Variants in TMEM120B observed in about 807,000 individuals in gnomAD.
TMEM120B encodes the protein transmembrane protein 120B.
Under a neutral mutation model 55.5 loss-of-function variants are expected in TMEM120B, and 31 were observed. The observed-to-expected ratio is 0.56, with a 90% CI of 0.42 to 0.75. TMEM120B has a LOEUF of 0.75. Ranked by LOEUF, TMEM120B falls within the 30% of genes least tolerant of loss-of-function variation. TMEM120B has a pLI of 0.00. For missense variants in TMEM120B, 399 were observed against 425.5 expected (o/e 0.94, Z 0.55); for synonymous variants, 203 against 176.3 (o/e 1.15, Z -1.20).
chr12:121,730,035 C>T (rs1280193067), intron 1 of TMEM120B, among the ~76,000 whole-genome samples: 2 of 151,858 alleles, frequency 1.3e-5, no homozygotes, highest in African/African-American at 2.4e-5. Context: ...CTGAGGTGGG[C>T]AGATCATGAG....
chr12:121,745,615 T>C (rs1014324218), intron 2 of TMEM120B, among the ~76,000 whole-genome samples: 52 of 151,386 alleles, frequency 3.4e-4, no homozygotes, highest in African/African-American at 1.2e-3. Flanking sequence ...TGGTCTCAAA[T>C]TCCTGACCTT....
intron 1 of TMEM120B, among the ~76,000 whole-genome samples, chr12:121,714,531 C>G (rs1894659632): frequency 6.6e-6 from 1 of 150,912 alleles, no homozygotes; most frequent in African/African-American, 2.4e-5. Context: ...CAGGCATGAG[C>G]CACTGTGCCT....
intron 4 of TMEM120B, among the ~76,000 whole-genome samples, chr12:121,751,104 A>C (rs555315460): frequency 5.5e-5 from 4 of 73,304 alleles, no homozygotes; most frequent in Non-Finnish European, 1.1e-4. Context: ...CCCCACACCC[A>C]CACCCCAAAC....
At chr12:121,735,192 A>G (rs1272186308) in intron 1 of TMEM120B, among the ~76,000 whole-genome samples, 2 of 150,676 alleles carry the variant, frequency 1.3e-5, no homozygotes, top group African/African-American at 4.9e-5. Context: ...TCTCAAAAAA[A>G]AAAAAAAACA....
At chr12:121,773,767 T>TACACACACAC (rs139459284) in intron 9 of TMEM120B, among the ~76,000 whole-genome samples, 14 of 151,262 alleles carry the variant, frequency 9.3e-5, no homozygotes, top group East Asian at 3.9e-4. Context: ...TGTTCTAGAA[T>TACACACACAC]ACACACACAC....
At chr12:121,766,543 T>A (rs911342169) in intron 6 of TMEM120B, among the ~76,000 whole-genome samples, 1 of 152,202 alleles carries the variant, frequency 6.6e-6, no homozygotes, top group Admixed American at 6.5e-5. Flanking sequence ...TCCACCCCAG[T>A]TGGAATCTTG....
chr12:121,730,557 A>G (rs1034866545), intron 1 of TMEM120B, among the ~76,000 whole-genome samples: 2 of 150,402 alleles, frequency 1.3e-5, no homozygotes, highest in African/African-American at 4.9e-5. Context: ...AGGCTGAGAC[A>G]GGAGAGTCAC....
chr12:121,752,889 C>G (rs1229295527), intron 5 of TMEM120B, among the ~76,000 whole-genome samples: 1 of 152,202 alleles, frequency 6.6e-6, no homozygotes, highest in African/African-American at 2.4e-5. Flanking sequence ...TACTCGAGGT[C>G]AGGAGTTTGA....
chr12:121,752,721 C>CTGGGTGACAGAA, intron 5 of TMEM120B, among the ~76,000 whole-genome samples: 1 of 152,118 alleles, frequency 6.6e-6, no homozygotes, highest in Non-Finnish European at 1.5e-5. Flanking sequence ...GCACTCCAGC[C>CTGGGTGACAGAA]TGGGTGACAG....
intron 4 of TMEM120B, among the ~76,000 whole-genome samples, chr12:121,750,903 A>C (rs1388100750): frequency 2.9e-5 from 1 of 34,606 alleles, no homozygotes; most frequent in Non-Finnish European, 5.7e-5. Flanking sequence ...TCCCACACCC[A>C]CACCCCACAC....
At chr12:121,765,431 C>T (rs948747613) in intron 6 of TMEM120B, among the ~76,000 whole-genome samples, 21 of 151,912 alleles carry the variant, frequency 1.4e-4, no homozygotes, top group Admixed American at 1.1e-3. Context: ...TGCCCAGCCC[C>T]GAGTTTTTTT....
chr12:121,767,484 G>A (rs1481430388), intron 6 of TMEM120B, among the ~76,000 whole-genome samples: 1 of 152,180 alleles, frequency 6.6e-6, no homozygotes, highest in Non-Finnish European at 1.5e-5. Context: ...TAACTTCTGT[G>A]GTGAAATGAG....
intron 1 of TMEM120B, among the ~76,000 whole-genome samples, chr12:121,726,941 C>T (rs1894907265): frequency 7.6e-6 from 1 of 131,036 alleles, no homozygotes; most frequent in African/African-American, 3.1e-5. Flanking sequence ...AAAAAAGCTT[C>T]AGGCTGGGCA....
At chr12:121,773,951 C>CTTTTTTT (rs560321014) in intron 9 of TMEM120B, among the ~76,000 whole-genome samples, 13 of 96,606 alleles carry the variant, frequency 1.3e-4, no homozygotes, top group Admixed American at 3.6e-4. Context: ...ACTCTGCTAT[C>CTTTTTTT]TTTTTTTTTT....
At chr12:121,716,893 A>T (rs1894713515) in intron 1 of TMEM120B, among the ~76,000 whole-genome samples, 1 of 152,088 alleles carries the variant, frequency 6.6e-6, no homozygotes. Flanking sequence ...GAAAGAGCAA[A>T]CCTAATTCTC....
At chr12:121,748,275 TCCTC>T in intron 2 of TMEM120B, 47 bp from the exon 3 acceptor site, 1 of 1,444,234 alleles carries the variant, frequency 6.9e-7, no homozygotes, top group South Asian at 1.1e-5. Context: ...TCCATAGCCC[TCCTC>T]CCTCTGAGTG....
chr12:121,775,508 G>A lies in TMEM120B; in HGVS notation c.907-101G>A, dbSNP rs1874209935. On this transcript the variant is annotated intron_variant, in intron 11 of 11. Transcript: ENST00000449592. This position sits in a 1 kb window ranked among gnomAD's most constrained non-coding sequence, Gnocchi z 4.3. The stretch of plus-strand genomic sequence containing the variant: ...CTTCGATGGCAAAACCCTGCAGTTT[G>A]GGAGTTTGGGGGCAGCTGTGCTGGA... 6.7e-7 allele frequency: 1 copy of A among 1,493,168 alleles called. No individual in the cohort carries two copies. Among genetic ancestry groups the A allele is most frequent in the South Asian group, 1.3e-5 (1 of 74,166 alleles). 92.5% of individuals were successfully genotyped at this position (1,493,168 alleles called of 1,614,324 possible). A position where few individuals can be genotyped will look rare whatever the true frequency, so the allele number is the denominator to read the frequency against.
chr12:121,733,024 C>G (rs1268928347), intron 1 of TMEM120B, among the ~76,000 whole-genome samples: 2 of 151,872 alleles, frequency 1.3e-5, no homozygotes, highest in Non-Finnish European at 2.9e-5. Flanking sequence ...ACCCTCTGAC[C>G]TGCAATTTTA....
intron 5 of TMEM120B, chr12:121,759,061 A>G (rs1873582225): frequency 2.0e-6 from 2 of 980,028 alleles, no homozygotes; most frequent in Non-Finnish European, 2.4e-6. Flanking sequence ...GTTTAAGGGG[A>G]CACAGGGAGT....
Sources: gnomAD v4.1 joint callset for allele counts (sites outside exome capture counted in the v4.1 genomes callset) on GRCh38, gnomAD v4.1.1 for gene constraint, Gnocchi (gnomAD v3.1) non-coding constraint, MANE v1.5 for transcripts, NCBI Gene and HGNC (gene_info 2026-07-23, HGNC 2026-07-21) for gene names.